Variants in MMP13 observed in about 807,000 individuals in gnomAD.
MMP13 encodes the protein collagenase 3.
Under a neutral mutation model 52.1 loss-of-function variants are expected in MMP13, and 45 were observed. The ratio of observed to expected loss-of-function variants is 0.86; its 90% CI spans 0.68 to 1.11. The LOEUF (loss-of-function observed/expected upper bound fraction) is 1.11. Ranked by LOEUF, MMP13 falls within the 50% of genes least tolerant of loss-of-function variation. The pLI, the probability that MMP13 is intolerant of heterozygous loss-of-function variation, is 0.00. For missense variants in MMP13, 576 were observed against 583.8 expected (o/e 0.99, Z 0.14); for synonymous variants, 200 against 204.4 (o/e 0.98, Z 0.18).
rs1356564724 is a variant in MMP13, at chr11:102,943,554, C to T, written c.*712G>A. On this transcript the variant is annotated 3_prime_UTR_variant, in exon 10 of 10. Transcript: ENST00000260302. ...CTGAAATATTTTAATAAAAAGACAT[C>T]ATCCTTCTTTATCCTTTATAATATG... 2 of 152,190 alleles carry T rather than the reference C, an allele frequency of 1.3e-5. No individual in the cohort carries two copies. The highest frequency in any genetic ancestry group is 4.8e-5 in the African/African-American group (2 of 41,456). 9.4% of individuals were successfully genotyped at this position (152,190 alleles called of 1,614,324 possible).
rs1860577403 is a variant in MMP13 at position 102,949,745 on chromosome 11, GTCTT to G, written c.917+361_917+364del. On this transcript the variant is annotated intron_variant, in intron 6 of 9. Transcript: ENST00000260302. The surrounding 1 kb of genome is among the most constrained non-coding windows in gnomAD (Gnocchi z 4.2). ...ATTCCAACATGTATCTAGAATCAAA[GTCTT>G]TCCATACCAAAACGAATCCGTGTGG... 6.6e-6 allele frequency among the ~76,000 whole-genome samples: 1 copy of G among 152,074 alleles called. No individual in the cohort carries two copies.
chr11:102,954,252 G>T lies in MMP13; in HGVS notation c.541C>A (p.Pro181Thr), dbSNP rs1398787570. ...AAAGCATGAGCCAGCAGGCCAGAGG[G>T]CCCATCAAATGGGTAGAAGTCGCCA... The part of the protein sequence containing the change: ...EHGDFYPFDG[P>T]SGLLAHAFPP... Residue 181 changes from proline (P) to threonine (T), a missense_variant, in exon 4 of 10, where the codon CCC becomes ACC. By Grantham distance (38) the Pro-to-Thr change is conservative (BLOSUM62 -1). Transcript: ENST00000260302. The T allele has an allele frequency of 2.5e-6, 4 of 1,613,718 alleles. No individual in the cohort carries two copies. The South Asian group carries it at 3.3e-5, about 13-fold the overall frequency.
In MMP13 at chr11:102,955,386, G is replaced by A. The variant is rs751746911; in HGVS notation, c.228C>T (p.Gly76=). ...CGTCAAGTTTGCCAGTCACCTCTAA[G>A]CCGAAGAAAGACTGCATTTCTCGGA... ...ERLREMQSFF[G]LEVTGKLDDN... Residue 76 remains glycine (G), a synonymous_variant, in exon 2 of 10, where the codon GGC becomes GGT. Transcript: ENST00000260302. The surrounding 1 kb of genome is among the most constrained non-coding windows in gnomAD (Gnocchi z 4.9). 1 of 1,613,998 alleles carries A rather than the reference G, an allele frequency of 6.2e-7. No homozygotes were observed. Among genetic ancestry groups the A allele is most frequent in the Admixed American group, 1.7e-5 (1 of 60,006 alleles).
Position 102,943,283 on chromosome 11 carries a change from A to G in MMP13, c.*983T>C, listed in dbSNP as rs1565251964. ...TAGACTGCTTTAAAAAAAAATTTGG[A>G]TGTCTCTTTTTTAATATACATACTT... On this transcript the variant is annotated 3_prime_UTR_variant, in exon 10 of 10. Coordinates refer to ENST00000260302, the MANE Select transcript of MMP13 (RefSeq NM_002427.4). The G allele has an allele frequency of 6.6e-6, 1 of 152,072 alleles. No homozygotes were observed. The highest frequency in any genetic ancestry group is 1.5e-5 in the Non-Finnish European group (1 of 68,004). The allele number at this position is 152,072 out of a possible 1,614,324, so 9.4% of individuals were successfully genotyped here.
At chr11:102,954,360 A>T in intron 3 of MMP13, 79 bp from the exon 4 acceptor site, 1 of 1,606,472 alleles carries the variant, frequency 6.2e-7, no homozygotes, top group Non-Finnish European at 8.5e-7. Context: ...TTAGTGTTGA[A>T]TTCTTTAAAA....
chr11:102,948,962 T>C (rs537767194), intron 7 of MMP13, 63 bp downstream of exon 7: 84 of 1,591,416 alleles, frequency 5.3e-5, no homozygotes, highest in Non-Finnish European at 7.0e-5. Flanking sequence ...GAATCTCTAG[T>C]GGCATCAAAT....
rs1329945306 is a variant in MMP13, at chr11:102,954,146, G to T, written c.637+10C>A. 1.2e-6 allele frequency: 2 copies of T among 1,613,070 alleles called. No homozygotes were observed. The highest frequency in any genetic ancestry group is 3.3e-5 in the Admixed American group (2 of 59,898). Reference sequence around the variant, plus strand: ...TAACACATAAATGATATCTTTATAAGAAACATTACCTTTGGAACTACTTGT... The same window carrying T: ...TAACACATAAATGATATCTTTATAATAAACATTACCTTTGGAACTACTTGT... On this transcript the variant is annotated intron_variant, in intron 4 of 9. Transcript: ENST00000260302.
chr11:102,949,194 T>A lies in MMP13; in HGVS notation c.918-36A>T, dbSNP rs201001079. ...AGTAAAATGGAGTTTTCTGTCACAT[T>A]TTTAAATGCAATATTTCTATCCTGC... On this transcript the variant is annotated intron_variant, in intron 6 of 9. Transcript: ENST00000260302. This position sits in a 1 kb window ranked among gnomAD's most constrained non-coding sequence, Gnocchi z 4.2. The A allele has an allele frequency of 6.2e-7, 1 of 1,610,360 alleles. No homozygotes were observed. The highest frequency in any genetic ancestry group is 1.7e-5 in the Admixed American group (1 of 59,876).
At chr11:102,950,383 G>A (rs782602896) in intron 5 of MMP13, among the ~76,000 whole-genome samples, 156 bp from the exon 6 acceptor site, 5 of 152,038 alleles carry the variant, frequency 3.3e-5, no homozygotes, top group Admixed American at 2.0e-4. Context: ...TGCAAGTACC[G>A]TGTAATCTTA....
Position 102,949,222 on chromosome 11 carries a change from G to C in MMP13, c.918-64C>G. 1 of 1,580,486 alleles carries C rather than the reference G, an allele frequency of 6.3e-7. No homozygotes were observed. The highest frequency in any genetic ancestry group is 8.6e-7 in the Non-Finnish European group (1 of 1,161,652). On this transcript the variant is annotated intron_variant, in intron 6 of 9. Coordinates refer to ENST00000260302, the MANE Select transcript of MMP13 (RefSeq NM_002427.4). The surrounding 1 kb of genome is among the most constrained non-coding windows in gnomAD (Gnocchi z 4.2). Reference sequence around the variant, plus strand: ...TAAATGCAATATTTCTATCCTGCTAGTCACCTCTCTCCACATCAACACAGA... The same window carrying C: ...TAAATGCAATATTTCTATCCTGCTACTCACCTCTCTCCACATCAACACAGA...
chr11:102,955,529 A>T lies in MMP13; in HGVS notation c.121-36T>A. ...CACCAAAATGAACTGCGTTTAAAAG[A>T]GAAGGACATTTCTGAGATGTACCAA... On this transcript the variant is annotated intron_variant, in intron 1 of 9. Transcript: ENST00000260302. This position sits in a 1 kb window ranked among gnomAD's most constrained non-coding sequence, Gnocchi z 4.9. 6.2e-7 allele frequency: 1 copy of T among 1,614,012 alleles called. No homozygotes were observed. The highest frequency in any genetic ancestry group is 8.5e-7 in the Non-Finnish European group (1 of 1,179,898).
rs972854368 is a variant in MMP13, at chr11:102,952,390, T to C, written c.638-217A>G. Reference sequence around the variant, plus strand: ...TATAAATAATTTAGTGTTCTTTTGATTATAGCTGCCTACACAATTAGAATG... The same window carrying C: ...TATAAATAATTTAGTGTTCTTTTGACTATAGCTGCCTACACAATTAGAATG... On this transcript the variant is annotated intron_variant, in intron 4 of 9. Transcript: ENST00000260302. The surrounding 1 kb of genome is among the most constrained non-coding windows in gnomAD (Gnocchi z 4.3). Among the ~76,000 whole-genome samples the C allele has an allele frequency of 2.6e-5, 4 of 152,168 alleles. No individual in the cohort carries two copies. The East Asian group carries it at 7.7e-4, about 29-fold the overall frequency.
At chr11:102,950,570 C>G (rs1172991005) in intron 5 of MMP13, among the ~76,000 whole-genome samples, 2 of 152,176 alleles carry the variant, frequency 1.3e-5, no homozygotes, top group Non-Finnish European at 2.9e-5. Context: ...CTAGATTCCC[C>G]TTAAAGCCAT....
chr11:102,946,613 T>C (rs972421085), intron 8 of MMP13, among the ~76,000 whole-genome samples: 31 of 151,976 alleles, frequency 2.0e-4, no homozygotes, highest in African/African-American at 7.5e-4. Context: ...AAACAATGGA[T>C]AGAATTTCAA....
At chr11:102,948,942 T>C (rs1555016990) in intron 7 of MMP13, 83 bp downstream of exon 7, 1 of 1,553,270 alleles carries the variant, frequency 6.4e-7, no homozygotes, top group Non-Finnish European at 8.9e-7. Context: ...TCAGTAGTGA[T>C]CATTTTACTG....
At position 102,947,884 on chromosome 11, in the gene MMP13, G is replaced by A; in HGVS notation, c.1211+7C>T. On this transcript the variant is annotated splice_region_variant and intron_variant, in intron 8 of 9. Coordinates refer to ENST00000260302, the MANE Select transcript of MMP13 (RefSeq NM_002427.4). ...CACAGATGGGTCAGTACCTACTGCT[G>A]CCATACCTCCAGACCTGGTTTCCTG... The A allele has an allele frequency of 6.2e-7, 1 of 1,613,818 alleles. No individual in the cohort carries two copies. The highest frequency in any genetic ancestry group is 8.5e-7 in the Non-Finnish European group (1 of 1,179,792).
chr11:102,955,495 T>G lies in MMP13; in HGVS notation c.121-2A>C, dbSNP rs1353306116. On this transcript the variant is annotated splice_acceptor_variant, in intron 1 of 9. Transcript: ENST00000260302. LOFTEE classifies it high-confidence loss of function. The surrounding 1 kb of genome is among the most constrained non-coding windows in gnomAD (Gnocchi z 4.9). ...ATGGTAGTATGATCTCAGGTAGCGCTAGAAAAGACACCAAAATGAACTGCG... is the reference window on the plus strand; with the variant it reads ...ATGGTAGTATGATCTCAGGTAGCGCGAGAAAAGACACCAAAATGAACTGCG... 1.2e-5 allele frequency: 19 copies of G among 1,613,920 alleles called. No individual in the cohort carries two copies. Among genetic ancestry groups the G allele is most frequent in the Non-Finnish European group, 1.5e-5 (18 of 1,179,936 alleles).
chr11:102,946,752 T>C (rs1860514743), intron 8 of MMP13, among the ~76,000 whole-genome samples: 1 of 152,212 alleles, frequency 6.6e-6, no homozygotes, highest in Non-Finnish European at 1.5e-5. Context: ...ATACTTCTTA[T>C]GGAGGTAGGG....
rs1555016257 is a variant in MMP13, at chr11:102,943,383, G to T, written c.*883C>A. Reference sequence around the variant, plus strand: ...TAGCCTATATATCCAAGACAAACTGGACAATTAAATAATTAGCTAGGTAAA... The same window carrying T: ...TAGCCTATATATCCAAGACAAACTGTACAATTAAATAATTAGCTAGGTAAA... On this transcript the variant is annotated 3_prime_UTR_variant, in exon 10 of 10. Coordinates refer to ENST00000260302, the MANE Select transcript of MMP13 (RefSeq NM_002427.4). 1 of 151,988 alleles carries T rather than the reference G, an allele frequency of 6.6e-6. No individual in the cohort carries two copies. The highest frequency in any genetic ancestry group is 2.4e-5 in the African/African-American group (1 of 41,358). 9.4% of individuals were successfully genotyped at this position (151,988 alleles called of 1,614,324 possible). A position where few individuals can be genotyped will look rare whatever the true frequency, so the allele number is the denominator to read the frequency against.
Sources: allele counts gnomAD v4.1 joint callset (sites outside exome capture counted in the v4.1 genomes callset), GRCh38; gene constraint gnomAD v4.1.1; non-coding constraint Gnocchi (gnomAD v3.1); transcripts MANE v1.5; gene names NCBI Gene and HGNC (gene_info 2026-07-23, HGNC 2026-07-21).